SH3PXD2A: variants seen among roughly 807,000 people sequenced by gnomAD.
The protein encoded by SH3PXD2A is SH3 and PX domain-containing protein 2A.
In SH3PXD2A, 32 loss-of-function variants were observed where a neutral mutation model predicts 115.2. That is an observed-to-expected ratio of 0.28 (90% CI 0.21 to 0.37). SH3PXD2A has a LOEUF of 0.37. SH3PXD2A is among the 10% of genes least tolerant of loss of function. The pLI is 1.00. For synonymous variants in SH3PXD2A, 610 were observed against 629.1 expected, an observed-to-expected ratio of 0.97 and a Z score of 0.45; for missense variants, 1,328 against 1,498.7, an observed-to-expected ratio of 0.89 and a Z score of 1.88.
chr10:103,807,696 C>T (rs1310761996), intron 1 of SH3PXD2A, among the ~76,000 whole-genome samples: 3 of 152,200 alleles, frequency 2.0e-5, no homozygotes, highest in African/African-American at 7.2e-5. Context: ...TCCTTGTTCC[C>T]CTGGGTGGGC....
chr10:103,774,143 G>A (rs1039333246), intron 2 of SH3PXD2A, among the ~76,000 whole-genome samples: 1 of 152,088 alleles, frequency 6.6e-6, no homozygotes, highest in African/African-American at 2.4e-5. Flanking sequence ...AAAAAGTTTT[G>A]TTTCTACTCC....
At chr10:103,676,052 A>G (rs532468649) in intron 6 of SH3PXD2A, among the ~76,000 whole-genome samples, 68 of 152,220 alleles carry the variant, frequency 4.5e-4, no homozygotes, top group Non-Finnish European at 7.4e-5. Flanking sequence ...GGGAAAAAAA[A>G]AAGAAAAGTT....
At chr10:103,636,893 G>A (rs906775193) in intron 8 of SH3PXD2A, among the ~76,000 whole-genome samples, 1 of 152,090 alleles carries the variant, frequency 6.6e-6, no homozygotes. Flanking sequence ...ACAGACCTCG[G>A]TTAGGATCCT....
At chr10:103,786,899 T>G (rs911491216) in intron 2 of SH3PXD2A, among the ~76,000 whole-genome samples, 2 of 152,116 alleles carry the variant, frequency 1.3e-5, no homozygotes, top group Non-Finnish European at 2.9e-5. Context: ...GTCCCTAAGC[T>G]CCTTCCTTCC....
intron 3 of SH3PXD2A, among the ~76,000 whole-genome samples, chr10:103,759,929 G>A (rs2038682246): frequency 6.6e-6 from 1 of 152,226 alleles, no homozygotes; most frequent in Non-Finnish European, 1.5e-5. Flanking sequence ...GCACACTTCT[G>A]AGCCAATTCT....
At chr10:103,638,655 A>G (rs913530818) in intron 8 of SH3PXD2A, among the ~76,000 whole-genome samples, 7 of 152,224 alleles carry the variant, frequency 4.6e-5, no homozygotes, top group African/African-American at 1.7e-4. Context: ...AACCGACCCA[A>G]AGTACCCACA....
chr10:103,834,293 T>C (rs1387828624), intron 1 of SH3PXD2A, among the ~76,000 whole-genome samples: 1 of 152,126 alleles, frequency 6.6e-6, no homozygotes. Context: ...AAGGGGCTGA[T>C]GGTAGATGAA....
In SH3PXD2A at chr10:103,601,984, G is replaced by A. The variant is rs926312895; in HGVS notation, c.3234C>T (p.Val1078=). The change falls in exon 15 of 15, where the codon GTC becomes GTT. Residue 1078 remains valine, a synonymous_variant. Transcript: ENST00000369774. Reference sequence around the variant, plus strand: ...CATCCCCCTCGTAGTCTGCGATAGAGACGTACACATCTTTGAGGTTATTGT... The same window carrying A: ...CATCCCCCTCGTAGTCTGCGATAGAAACGTACACATCTTTGAGGTTATTGT... The part of the protein sequence containing the change: ...FIHNNLKDVY[V]SIADYEGDEE... 3.0e-5 allele frequency: 48 copies of A among 1,613,916 alleles called. No homozygotes were observed. Among genetic ancestry groups the A allele is most frequent in the Non-Finnish European group, 1.4e-5 (17 of 1,180,002 alleles).
At chr10:103,734,620 A>T (rs563208874) in intron 4 of SH3PXD2A, among the ~76,000 whole-genome samples, 1 of 152,126 alleles carries the variant, frequency 6.6e-6, no homozygotes, top group Admixed American at 6.5e-5. Flanking sequence ...ATGGTGGCGC[A>T]CTCCTATAAT....
In SH3PXD2A at chr10:103,746,525, T is replaced by C. The variant is rs560130760; in HGVS notation, c.230-10717A>G. On this transcript the variant is annotated intron_variant, in intron 3 of 14. Transcript: ENST00000369774. This position sits in a 1 kb window ranked among gnomAD's most constrained non-coding sequence, Gnocchi z 4.4. Reference sequence around the variant, plus strand: ...TTTGTAGAAACTGGGTTTCACCATGTAGCCCAGGCTGGTTTTAAACTCCTG... The same window carrying C: ...TTTGTAGAAACTGGGTTTCACCATGCAGCCCAGGCTGGTTTTAAACTCCTG... Among the ~76,000 whole-genome samples, 6 of 152,314 alleles carry C rather than the reference T, an allele frequency of 3.9e-5. No individual in the cohort carries two copies. Among genetic ancestry groups the C allele is most frequent in the African/African-American group, 1.4e-4 (6 of 41,562 alleles).
chr10:103,733,431 C>A (rs1409854263), intron 4 of SH3PXD2A, among the ~76,000 whole-genome samples: 1 of 152,226 alleles, frequency 6.6e-6, no homozygotes, highest in Non-Finnish European at 1.5e-5. Context: ...CCTATGCCCC[C>A]TCCTCCATTA....
Position 103,594,769 on chromosome 10 carries a change from A to C in SH3PXD2A, c.*7047T>G, listed in dbSNP as rs2036110475. 1 of 152,202 alleles carries C rather than the reference A, an allele frequency of 6.6e-6. No homozygotes were observed. Among genetic ancestry groups the C allele is most frequent in the African/African-American group, 2.4e-5 (1 of 41,454 alleles). 9.4% of individuals were successfully genotyped at this position (152,202 alleles called of 1,614,324 possible). ...ATAAGGCAACGCAAAATGGTAGGGT[A>C]TATCCATGGATGAATGTTCATCACA... is the stretch of plus-strand genomic sequence containing the variant. On this transcript the variant is annotated 3_prime_UTR_variant, in exon 15 of 15. Transcript: ENST00000369774.
At chr10:103,708,147 A>G (rs2038003015) in intron 5 of SH3PXD2A, among the ~76,000 whole-genome samples, 1 of 152,200 alleles carries the variant, frequency 6.6e-6, no homozygotes. Context: ...AACAAGGGAC[A>G]CATGAGCCTG....
chr10:103,634,982 T>C (rs2133972461), intron 8 of SH3PXD2A, among the ~76,000 whole-genome samples: 1 of 152,242 alleles, frequency 6.6e-6, no homozygotes, highest in Non-Finnish European at 1.5e-5. Flanking sequence ...CGTTAATCAC[T>C]AGAGGGTCAG....
At chr10:103,609,664 C>T (rs2036395742) in intron 13 of SH3PXD2A, 1 of 152,208 alleles carries the variant, frequency 6.6e-6, no homozygotes, top group African/African-American at 2.4e-5. Flanking sequence ...ACCCCCTGCC[C>T]TTGTGGATTG....
chr10:103,704,271 TGGA>T (rs763691118), intron 5 of SH3PXD2A, among the ~76,000 whole-genome samples: 2 of 151,620 alleles, frequency 1.3e-5, no homozygotes, highest in Non-Finnish European at 2.9e-5. Context: ...CGGTGGCCAC[TGGA>T]GGAGGAGCAG....
chr10:103,721,404 C>G (rs1589428921), intron 5 of SH3PXD2A, among the ~76,000 whole-genome samples: 1 of 152,238 alleles, frequency 6.6e-6, no homozygotes, highest in East Asian at 1.9e-4. Context: ...AGCCAAGTGT[C>G]TTGCTGAGCC....
At position 103,627,013 on chromosome 10, in the gene SH3PXD2A, G is replaced by T; in HGVS notation, c.718+76C>A. On this transcript the variant is annotated intron_variant, in intron 9 of 14. Coordinates refer to ENST00000369774, the MANE Select transcript of SH3PXD2A (RefSeq NM_001394015.1). The surrounding 1 kb of genome is among the most constrained non-coding windows in gnomAD (Gnocchi z 4.4). ...CTCAGCTCACTTTAGGGGTTCTGTT[G>T]GTTCTAGGGAAAGAGTGAGAGAGCT... 2.5e-6 allele frequency: 2 copies of T among 803,266 alleles called. No homozygotes were observed. The highest frequency in any genetic ancestry group is 2.2e-6 in the Non-Finnish European group (1 of 456,704). The allele number at this position is 803,266 out of a possible 1,614,324, so 49.8% of individuals were successfully genotyped here.
intron 9 of SH3PXD2A, among the ~76,000 whole-genome samples, chr10:103,626,068 C>A (rs2036687244): frequency 6.6e-6 from 1 of 152,262 alleles, no homozygotes; most frequent in Non-Finnish European, 1.5e-5. Context: ...CCAGCCTGAA[C>A]ATGCGGGCCC....
Sources: allele counts gnomAD v4.1 joint callset (sites outside exome capture counted in the v4.1 genomes callset), GRCh38; gene constraint gnomAD v4.1.1; non-coding constraint Gnocchi (gnomAD v3.1); transcripts MANE v1.5; gene names NCBI Gene and HGNC (gene_info 2026-07-23, HGNC 2026-07-21).